GNG4: variants seen among roughly 807,000 people sequenced by gnomAD.
GNG4 encodes G protein subunit gamma 4.
GNG4 carries 4 observed loss-of-function variants against 5.8 expected under a neutral mutation model. The ratio of observed to expected loss-of-function variants is 0.69; its 90% CI spans 0.34 to 1.57. GNG4 has a LOEUF of 1.57. Ranked by LOEUF, GNG4 falls within the 40% of genes most tolerant of loss-of-function variation. The pLI, the probability that GNG4 is intolerant of heterozygous loss-of-function variation, is 0.06. For synonymous variants in GNG4, 29 were observed against 32.9 expected (o/e 0.88, Z 0.41); for missense variants, 96 against 95.1 (o/e 1.01, Z -0.04).
chr1:235,603,847 T>C (rs1688304172), intron 1 of GNG4, among the ~76,000 whole-genome samples: 1 of 152,150 alleles, frequency 6.6e-6, no homozygotes, highest in East Asian at 1.9e-4. Context: ...CTGGTCCTTA[T>C]TAAGGTCAAG....
chr1:235,614,215 T>C (rs1167012516), intron 1 of GNG4, among the ~76,000 whole-genome samples: 2 of 152,242 alleles, frequency 1.3e-5, no homozygotes, highest in Non-Finnish European at 2.9e-5. Flanking sequence ...ACATTCTTTG[T>C]AATATCCTTT....
chr1:235,613,116 TG>T lies in GNG4; in HGVS notation c.-122-17606del, dbSNP rs201000139. On this transcript the variant is annotated intron_variant, in intron 1 of 3. Coordinates refer to ENST00000391854, the MANE Select transcript of GNG4 (RefSeq NM_001098722.2). ...CAACACAGAATTTTTTTTGGAGGGG[TG>T]GGGGGGTCACAAACATTCAGACCAT... Among the ~76,000 whole-genome samples, 9 of 146,774 alleles carry T rather than the reference TG, an allele frequency of 6.1e-5. No individual in the cohort carries two copies. In the South Asian group the frequency reaches 8.8e-4, roughly 14 times the overall value.
At chr1:235,557,572 T>G (rs1444375808) in intron 3 of GNG4, among the ~76,000 whole-genome samples, 1 of 152,056 alleles carries the variant, frequency 6.6e-6, no homozygotes, top group Non-Finnish European at 1.5e-5. Context: ...GGTCAGAAGT[T>G]GGCTGGCTAA....
intron 3 of GNG4, among the ~76,000 whole-genome samples, chr1:235,559,183 T>G (rs1686994681): frequency 6.6e-6 from 1 of 152,224 alleles, no homozygotes; most frequent in South Asian, 2.1e-4. Flanking sequence ...TGGCTTTGCC[T>G]GTTTCTCCTA....
intron 1 of GNG4, among the ~76,000 whole-genome samples, chr1:235,613,884 A>G (rs948929816): frequency 6.6e-5 from 10 of 152,104 alleles, no homozygotes; most frequent in Non-Finnish European, 1.2e-4. Flanking sequence ...CCTGACATAT[A>G]AGGCTGGCAA....
At chr1:235,552,732 A>T (rs780215845) in intron 3 of GNG4, among the ~76,000 whole-genome samples, 1 of 152,104 alleles carries the variant, frequency 6.6e-6, no homozygotes. Flanking sequence ...TATATTTTAT[A>T]AGCACACGTT....
intron 2 of GNG4, among the ~76,000 whole-genome samples, chr1:235,592,972 G>C (rs1343213429): frequency 2.0e-5 from 3 of 148,814 alleles, no homozygotes; most frequent in South Asian, 2.1e-4. Context: ...TTTTGAGATG[G>C]AGTCTTGCTC....
chr1:235,595,531 C>T lies in GNG4; in HGVS notation c.-122-20G>A, dbSNP rs989362571. 6.6e-6 allele frequency: 1 copy of T among 152,242 alleles called. No individual in the cohort carries two copies. Among genetic ancestry groups the T allele is most frequent in the Admixed American group, 6.5e-5 (1 of 15,286 alleles). 9.4% of individuals were successfully genotyped at this position (152,242 alleles called of 1,614,324 possible). A position where few individuals can be genotyped will look rare whatever the true frequency, so the allele number is the denominator to read the frequency against. Reference sequence around the variant, plus strand: ...GGTCACCTGAAAGCACAACCAGAGACATGTCTAGAGGTGTGGGGACTCCCT... The same window carrying T: ...GGTCACCTGAAAGCACAACCAGAGATATGTCTAGAGGTGTGGGGACTCCCT... On this transcript the variant is annotated intron_variant, in intron 1 of 3. Transcript: ENST00000391854.
chr1:235,641,841 C>A (rs1249769677), intron 1 of GNG4, among the ~76,000 whole-genome samples: 1 of 152,210 alleles, frequency 6.6e-6, no homozygotes, highest in Non-Finnish European at 1.5e-5. Context: ...ATGTGAGCCA[C>A]CCCCTTCCCC....
At chr1:235,590,073 A>G (rs565706263) in intron 2 of GNG4, among the ~76,000 whole-genome samples, 3 of 152,332 alleles carry the variant, frequency 2.0e-5, no homozygotes, top group African/African-American at 4.8e-5. Context: ...ATATGCAAAT[A>G]TATTTATGCA....
intron 3 of GNG4, among the ~76,000 whole-genome samples, chr1:235,577,339 C>T (rs1687510154): frequency 1.3e-5 from 2 of 152,222 alleles, no homozygotes; most frequent in Admixed American, 1.3e-4. Flanking sequence ...TCCCATGCAG[C>T]CTGCCCTATC....
intron 1 of GNG4, among the ~76,000 whole-genome samples, chr1:235,603,261 T>TTAATAATAA (rs150938328): frequency 9.1e-4 from 135 of 147,630 alleles, no homozygotes; most frequent in Middle Eastern, 7.2e-3. Flanking sequence ...ATAATAATAA[T>TTAATAATAA]TAATAATAAT....
At chr1:235,632,844 T>C (rs1688961716) in intron 1 of GNG4, among the ~76,000 whole-genome samples, 1 of 152,168 alleles carries the variant, frequency 6.6e-6, no homozygotes, top group African/African-American at 2.4e-5. Context: ...AGAAAAAACG[T>C]AGTCACGTAG....
intron 1 of GNG4, among the ~76,000 whole-genome samples, chr1:235,627,749 A>G (rs1270360381): frequency 6.6e-6 from 1 of 152,202 alleles, no homozygotes; most frequent in African/African-American, 2.4e-5. Context: ...TAACTTCATC[A>G]GAGAGGAAGA....
chr1:235,556,555 T>C (rs1686912249), intron 3 of GNG4, among the ~76,000 whole-genome samples: 1 of 44,406 alleles, frequency 2.3e-5, no homozygotes, highest in South Asian at 9.0e-4. Context: ...AGACTCTGTC[T>C]CAAAAAAAAA....
chr1:235,626,958 CAAAAAAAAAAAAAAAAAAAA>C (rs776506587), intron 1 of GNG4, among the ~76,000 whole-genome samples: 2,351 of 77,212 alleles, frequency 0.03, 66 homozygotes, highest in African/African-American at 0.1. Context: ...GACTCTATCT[CAAAAAAAAAAAAAAAAAAAA>C]AAAAAAAAAA....
At chr1:235,623,563 C>T (rs937995424) in intron 1 of GNG4, among the ~76,000 whole-genome samples, 2 of 152,126 alleles carry the variant, frequency 1.3e-5, no homozygotes, top group African/African-American at 4.8e-5. Flanking sequence ...CGGGCTGTAG[C>T]GGGCTTGCTC....
At chr1:235,593,811 G>A (rs1418536242) in intron 2 of GNG4, among the ~76,000 whole-genome samples, 3 of 152,136 alleles carry the variant, frequency 2.0e-5, no homozygotes, top group African/African-American at 4.8e-5. Context: ...GAGTGAAGCC[G>A]CAGACCTTCG....
rs1179442636 is a variant in GNG4, at chr1:235,547,717, G to A, written c.*4392C>T. 4 of 152,076 alleles carry A rather than the reference G, an allele frequency of 2.6e-5. No individual in the cohort carries two copies. The highest frequency in any genetic ancestry group is 5.9e-5 in the Non-Finnish European group (4 of 68,018). 9.4% of individuals were successfully genotyped at this position (152,076 alleles called of 1,614,324 possible). ...TCACAAAGCCCAACTTTTTATTGAAGTATAACATACACACAGAAAAGTGCC... is the reference window on the plus strand; with the variant it reads ...TCACAAAGCCCAACTTTTTATTGAAATATAACATACACACAGAAAAGTGCC... On this transcript the variant is annotated 3_prime_UTR_variant, in exon 4 of 4. Transcript: ENST00000391854.
Sources: gnomAD v4.1 joint callset for allele counts (sites outside exome capture counted in the v4.1 genomes callset) on GRCh38, gnomAD v4.1.1 for gene constraint, MANE v1.5 for transcripts, NCBI Gene and HGNC (gene_info 2026-07-23, HGNC 2026-07-21) for gene names.